SERPINB10: variants seen among roughly 807,000 people sequenced by gnomAD.
The protein encoded by SERPINB10 is serpin B10.
A neutral mutation model predicts 39.1 loss-of-function variants in SERPINB10; 35 were observed. That is an observed-to-expected ratio of 0.90 (90% CI 0.68 to 1.19). SERPINB10 has a LOEUF of 1.19. SERPINB10 is among the 50% of genes most tolerant of loss of function. The pLI, the probability that SERPINB10 is intolerant of heterozygous loss-of-function variation, is 0.00. For missense variants in SERPINB10, 546 were observed against 460.5 expected (o/e 1.19, Z -1.70); for synonymous variants, 190 against 158.1 (o/e 1.20, Z -1.52).
intron 1 of SERPINB10, among the ~76,000 whole-genome samples, chr18:63,911,963 T>C (rs2144717832): frequency 6.6e-6 from 1 of 152,136 alleles, no homozygotes; most frequent in South Asian, 2.1e-4. Context: ...CAGTGTTTTT[T>C]TTTACCTCAC....
chr18:63,911,301 GT>G (rs1568241831), intron 1 of SERPINB10, among the ~76,000 whole-genome samples: 1 of 151,014 alleles, frequency 6.6e-6, no homozygotes, highest in Admixed American at 6.6e-5. Context: ...GTCTCACTTT[GT>G]TTTTTGTTGC....
intron 5 of SERPINB10, among the ~76,000 whole-genome samples, chr18:63,922,752 T>C (rs2050155101): frequency 6.6e-6 from 1 of 151,958 alleles, no homozygotes; most frequent in Non-Finnish European, 1.5e-5. Context: ...GATCTTCCTA[T>C]GATGATGGAG....
chr18:63,925,145 G>A (rs2050171900), intron 5 of SERPINB10, among the ~76,000 whole-genome samples: 1 of 151,880 alleles, frequency 6.6e-6, no homozygotes, highest in South Asian at 2.1e-4. Flanking sequence ...CAAAGACAAA[G>A]GCTACAATGA....
rs1226802420 is a variant in SERPINB10 at position 63,919,943 on chromosome 18, C to T, written c.490+38C>T. On this transcript the variant is annotated intron_variant, in intron 5 of 7. Coordinates refer to ENST00000238508, the MANE Select transcript of SERPINB10 (RefSeq NM_005024.3). ...CAAGGGGTTTGGCAGCGTGCTTTTC[C>T]CAAACATCCTTGTATTTATTTTAGT... 5 of 1,245,812 alleles carry T rather than the reference C, an allele frequency of 4.0e-6. No homozygotes were observed. In the East Asian group the frequency reaches 1.2e-4, roughly 29 times the overall value. 77.2% of individuals were successfully genotyped at this position (1,245,812 alleles called of 1,614,324 possible).
chr18:63,916,964 A>G (rs895572428), intron 2 of SERPINB10, among the ~76,000 whole-genome samples: 1 of 152,034 alleles, frequency 6.6e-6, no homozygotes, highest in Non-Finnish European at 1.5e-5. Context: ...TTAACTTTCC[A>G]GTGAAATGCT....
chr18:63,929,634 A>G (rs1008696200), intron 5 of SERPINB10, among the ~76,000 whole-genome samples: 2 of 151,384 alleles, frequency 1.3e-5, no homozygotes, highest in Non-Finnish European at 3.0e-5. Flanking sequence ...AAGTTGTCCA[A>G]CCTAAATCAG....
chr18:63,909,101 T>C (rs1418818648), intron 1 of SERPINB10, among the ~76,000 whole-genome samples: 2 of 152,036 alleles, frequency 1.3e-5, no homozygotes, highest in African/African-American at 4.8e-5. Flanking sequence ...GGGCATGCGA[T>C]GATGAAATGT....
chr18:63,929,217 T>C (rs1433388387), intron 5 of SERPINB10, among the ~76,000 whole-genome samples: 1 of 152,212 alleles, frequency 6.6e-6, no homozygotes, highest in Non-Finnish European at 1.5e-5. Flanking sequence ...TCCATCATTT[T>C]AGCCAGTAAA....
At chr18:63,929,957 G>A in intron 5 of SERPINB10, 88 bp from the exon 6 acceptor site, 1 of 1,391,336 alleles carries the variant, frequency 7.2e-7, no homozygotes, top group Non-Finnish European at 9.8e-7. Context: ...AACTTTTATA[G>A]TTCCAGAAAA....
intron 5 of SERPINB10, among the ~76,000 whole-genome samples, chr18:63,928,570 A>G (rs1230703057): frequency 6.6e-6 from 1 of 152,066 alleles, no homozygotes; most frequent in Non-Finnish European, 1.5e-5. Context: ...AACAGAAGTG[A>G]AAAAGAAGGA....
chr18:63,908,143 A>G (rs1156838887), intron 1 of SERPINB10, 103 bp downstream of exon 1: 11 of 214,858 alleles, frequency 5.1e-5, no homozygotes, highest in Non-Finnish European at 1.1e-4. Context: ...CCCCCAAAAA[A>G]GTCCAGAAAT....
intron 1 of SERPINB10, among the ~76,000 whole-genome samples, chr18:63,914,421 A>C (rs1321348101): frequency 6.6e-6 from 1 of 152,186 alleles, no homozygotes; most frequent in Non-Finnish European, 1.5e-5. Flanking sequence ...AAACTTCCTT[A>C]AGGATTTCTT....
chr18:63,931,403 C>T (rs1328152248), intron 6 of SERPINB10, among the ~76,000 whole-genome samples: 1 of 152,268 alleles, frequency 6.6e-6, no homozygotes, highest in East Asian at 1.9e-4. Context: ...TTCATGGGCT[C>T]TCTCTGGAAA....
chr18:63,912,829 T>C (rs757704244), intron 1 of SERPINB10, among the ~76,000 whole-genome samples: 3 of 151,998 alleles, frequency 2.0e-5, no homozygotes, highest in Non-Finnish European at 4.4e-5. Flanking sequence ...TCTTTAATTT[T>C]TTGAAATTAT....
At chr18:63,933,294 A>G (rs2050237782) in intron 7 of SERPINB10, 91 bp downstream of exon 7, 1 of 1,380,734 alleles carries the variant, frequency 7.2e-7, no homozygotes, top group Non-Finnish European at 1.0e-6. Flanking sequence ...AATTGTCCTC[A>G]GGAAGAATGT....
intron 6 of SERPINB10, among the ~76,000 whole-genome samples, chr18:63,930,807 A>G (rs1335585999): frequency 6.6e-6 from 1 of 152,198 alleles, no homozygotes; most frequent in Non-Finnish European, 1.5e-5. Flanking sequence ...ATGACAGAAC[A>G]TAGCTACTCA....
intron 1 of SERPINB10, among the ~76,000 whole-genome samples, chr18:63,911,105 T>A (rs543812939): frequency 6.6e-6 from 1 of 152,210 alleles, no homozygotes; most frequent in South Asian, 2.1e-4. Flanking sequence ...GAGAAGTGTC[T>A]GTTCATGTCC....
chr18:63,918,228 ACAAT>A (rs2050119095), intron 4 of SERPINB10, 126 bp downstream of exon 4: 2 of 931,314 alleles, frequency 2.1e-6, no homozygotes, highest in South Asian at 3.3e-5. Context: ...TTCCCTGCAA[ACAAT>A]CAATTAGACC....
At chr18:63,929,712 C>CAAAAAAAAAAAAAAAAA (rs74169990) in intron 5 of SERPINB10, among the ~76,000 whole-genome samples, 17 of 97,358 alleles carry the variant, frequency 1.7e-4, no homozygotes, top group Middle Eastern at 5.4e-3. Flanking sequence ...AGCTAAAGTG[C>CAAAAAAAAAAAAAAAAA]AAAAAAAAAA....
Sources: gnomAD v4.1 joint callset for allele counts (sites outside exome capture counted in the v4.1 genomes callset) on GRCh38, gnomAD v4.1.1 for gene constraint, MANE v1.5 for transcripts, NCBI Gene and HGNC (gene_info 2026-07-23, HGNC 2026-07-21) for gene names.